Variants in SPAG5 observed in about 807,000 individuals in gnomAD.
The protein encoded by SPAG5 is sperm-associated antigen 5.
A neutral mutation model predicts 145.4 loss-of-function variants in SPAG5; 99 were observed. The ratio of observed to expected loss-of-function variants is 0.68; its 90% CI spans 0.58 to 0.80. SPAG5 has a LOEUF of 0.80. Among genes scored for constraint, SPAG5 ranks in the 30% least tolerant of loss-of-function variants. The pLI is 0.00. For synonymous variants in SPAG5, 477 were observed against 525.4 expected (o/e 0.91, Z 1.26); for missense variants, 1,192 against 1,416.0 (o/e 0.84, Z 2.54).
At chr17:28,585,449 C>G (rs780925495) in intron 8 of SPAG5, 38 bp from the exon 9 acceptor site, 1 of 1,613,918 alleles carries the variant, frequency 6.2e-7, no homozygotes, top group Admixed American at 1.7e-5. Flanking sequence ...AACCCCTTCC[C>G]TTTGGATACA....
chr17:28,580,187 C>T (rs1213585023), intron 15 of SPAG5, 67 bp from the exon 16 acceptor site: 2 of 1,009,546 alleles, frequency 2.0e-6, no homozygotes, highest in Admixed American at 2.5e-5. Context: ...CCAGGTAACT[C>T]CCAGCCATCT....
At chr17:28,593,529 C>A (rs948473505) in intron 2 of SPAG5, among the ~76,000 whole-genome samples, 2 of 152,086 alleles carry the variant, frequency 1.3e-5, no homozygotes, top group African/African-American at 2.4e-5. Context: ...GCAGGTGGAT[C>A]GCTTGAGTTC....
Position 28,598,598 on chromosome 17 carries a change from G to GT in SPAG5, c.88dup (p.Thr30AsnfsTer44), listed in dbSNP as rs1258755695. Reference sequence around the variant, plus strand: ...GTTGGTGAGGGCACCGGGCTGCAGGGTAAGTTCACGGAGAGGAGTTCTCAT... The same window carrying GT: ...GTTGGTGAGGGCACCGGGCTGCAGGGTTAAGTTCACGGAGAGGAGTTCTCAT... On this transcript the variant is annotated frameshift_variant, in exon 2 of 24. Coordinates refer to ENST00000321765, the MANE Select transcript of SPAG5 (RefSeq NM_006461.4). LOFTEE classifies it high-confidence loss of function. 1 of 1,612,218 alleles carries GT rather than the reference G, an allele frequency of 6.2e-7. No homozygotes were observed. The highest frequency in any genetic ancestry group is 1.3e-5 in the African/African-American group (1 of 74,794).
At chr17:28,578,161 C>A in intron 22 of SPAG5, 57 bp downstream of exon 22, 1 of 1,605,908 alleles carries the variant, frequency 6.2e-7, no homozygotes, top group Non-Finnish European at 8.5e-7. Context: ...GGAAACATGG[C>A]GGGGCATTTG....
In SPAG5 at chr17:28,581,180, C is replaced by CT. The variant is rs551795190; in HGVS notation, c.2686-1061dup. On this transcript the variant is annotated intron_variant, in intron 15 of 23. Transcript: ENST00000321765. ...AATGGCTGTATCATCTATGGCTGCT[C>CT]TTGAACTACAAAGGCAGAATTGAGT... 2.6e-5 allele frequency among the ~76,000 whole-genome samples: 4 copies of CT among 152,322 alleles called. No individual in the cohort carries two copies. In the South Asian group the frequency reaches 8.3e-4, roughly 32 times the overall value.
Position 28,585,330 on chromosome 17 carries a change from TG to T in SPAG5, c.1941del (p.Met648CysfsTer12). On this transcript the variant is annotated frameshift_variant, in exon 9 of 24. Coordinates refer to ENST00000321765, the MANE Select transcript of SPAG5 (RefSeq NM_006461.4). LOFTEE classifies it high-confidence loss of function. ...TCCCAAATACTCACATCCAGTTGCATGGACCTCCAGTCTTGTTGCAAGGTAG... is the reference window on the plus strand; with the variant it reads ...TCCCAAATACTCACATCCAGTTGCATGACCTCCAGTCTTGTTGCAAGGTAG... ...LTSTLQQDWR[S>X]MQLDYTTWTA... The T allele has an allele frequency of 1.9e-6, 3 of 1,614,166 alleles. No individual in the cohort carries two copies. The highest frequency in any genetic ancestry group is 1.7e-6 in the Non-Finnish European group (2 of 1,179,960).
chr17:28,584,647 A>C lies in SPAG5; in HGVS notation c.2161+5T>G, dbSNP rs746513229. On this transcript the variant is annotated splice_donor_5th_base_variant and intron_variant, in intron 11 of 23. Transcript: ENST00000321765. ...GCATGCATACACACACACACACACA[A>C]ACACCTGTTGCTAGACGACTGTTTT... 8 of 1,607,276 alleles carry C rather than the reference A, an allele frequency of 5.0e-6. No homozygotes were observed. In the South Asian group the frequency reaches 7.7e-5, roughly 15 times the overall value.
intron 5 of SPAG5, 56 bp downstream of exon 5, chr17:28,586,369 C>T (rs372111377): frequency 6.2e-6 from 9 of 1,448,160 alleles, no homozygotes; most frequent in Non-Finnish European, 8.7e-6. Flanking sequence ...CCAGGATTCT[C>T]CATTCTTCAT....
chr17:28,595,063 G>A (rs919941928), intron 2 of SPAG5, among the ~76,000 whole-genome samples: 14 of 151,826 alleles, frequency 9.2e-5, no homozygotes, highest in African/African-American at 3.4e-4. Flanking sequence ...TTCGAGTGCA[G>A]CTGGGCCAAC....
intron 21 of SPAG5, 32 bp downstream of exon 21, chr17:28,578,341 G>C: frequency 6.2e-7 from 1 of 1,614,066 alleles, no homozygotes; most frequent in Non-Finnish European, 8.5e-7. Flanking sequence ...GTCCCCACCT[G>C]CTGTCCAGCT....
chr17:28,583,397 T>C (rs1334870551), intron 15 of SPAG5, 114 bp downstream of exon 15: 3 of 1,180,110 alleles, frequency 2.5e-6, no homozygotes, highest in African/African-American at 3.1e-5. Flanking sequence ...TGAGGTCCTG[T>C]AGGTAACTGA....
rs1366415610 is a variant in SPAG5 at position 28,587,673 on chromosome 17, G to A, written c.1438-1174C>T. Among the ~76,000 whole-genome samples the A allele has an allele frequency of 1.2e-4, 17 of 145,546 alleles. No homozygotes were observed. The South Asian group carries it at 2.8e-3, about 24-fold the overall frequency. The stretch of plus-strand genomic sequence containing the variant: ...GTAGAGGCTGCAGTGAGCCATGTTC[G>A]TGCCACTGCACTCCAGTGTGGGTAA... On this transcript the variant is annotated intron_variant, in intron 4 of 23. Transcript: ENST00000321765.
intron 8 of SPAG5, 51 bp from the exon 9 acceptor site, chr17:28,585,462 A>C: frequency 1.2e-6 from 2 of 1,613,816 alleles, no homozygotes; most frequent in Non-Finnish European, 8.5e-7. Context: ...TGGATACAGC[A>C]AAGTGGGAGT....
rs1378302804 is a variant in SPAG5 at position 28,580,099 on chromosome 17, G to A, written c.2707C>T (p.Leu903=). The A allele has an allele frequency of 6.2e-7, 1 of 1,613,858 alleles. No individual in the cohort carries two copies. The highest frequency in any genetic ancestry group is 1.7e-5 in the Admixed American group (1 of 59,980). ...TGGGTGGGAGGACAGGCTGTACTCAGCAGAAGGGTCTCTTGTTCAGTCTAA... is the reference window on the plus strand; with the variant it reads ...TGGGTGGGAGGACAGGCTGTACTCAACAGAAGGGTCTCTTGTTCAGTCTAA... ...KEKTEQETLL[L]STACPPTQEH... The change falls in exon 16 of 24, where the codon CTG becomes TTG. Residue 903 remains leucine (L), a synonymous_variant. Coordinates refer to ENST00000321765, the MANE Select transcript of SPAG5 (RefSeq NM_006461.4).
chr17:28,577,610 C>T lies in SPAG5; in HGVS notation c.*89G>A. ...CACTTTATTTAAATAGCATTTATCTCAGTTGGCTCTATGCCAGTTGGTCTT... is the reference window on the plus strand; with the variant it reads ...CACTTTATTTAAATAGCATTTATCTTAGTTGGCTCTATGCCAGTTGGTCTT... On this transcript the variant is annotated 3_prime_UTR_variant, in exon 24 of 24. Transcript: ENST00000321765. 1.2e-6 allele frequency: 1 copy of T among 850,922 alleles called. No homozygotes were observed. The highest frequency in any genetic ancestry group is 2.0e-6 in the Non-Finnish European group (1 of 490,692). The allele number at this position is 850,922 out of a possible 1,614,324, so 52.7% of individuals were successfully genotyped here.
rs1169711873 is a variant in SPAG5 at position 28,577,768 on chromosome 17, G to GGTCT, written c.3511-2_3512dup (p.Leu1172AspfsTer27). The GGTCT allele has an allele frequency of 6.2e-7, 1 of 1,613,140 alleles. No individual in the cohort carries two copies. Among genetic ancestry groups the GGTCT allele is most frequent in the Admixed American group, 1.7e-5 (1 of 59,982 alleles). On this transcript the variant is annotated frameshift_variant and splice_region_variant, in exon 24 of 24. Transcript: ENST00000321765. LOFTEE classifies it high-confidence loss of function. ...TCACCACCTCTGGAATAGAGAGCAG[G>GGTCT]GTCTGGGAAGAGAGGCAGAAAACGC...
chr17:28,585,814 C>A (rs2070581207), intron 7 of SPAG5, 50 bp downstream of exon 7: 1 of 1,613,552 alleles, frequency 6.2e-7, no homozygotes, highest in Admixed American at 1.7e-5. Context: ...CCTGCAGGAA[C>A]CTTGAGGTGG....
intron 2 of SPAG5, among the ~76,000 whole-genome samples, chr17:28,593,337 A>C: frequency 6.6e-6 from 1 of 152,216 alleles, no homozygotes; most frequent in East Asian, 1.9e-4. Context: ...GTAGCTTGAA[A>C]GTGACCCCAC....
At chr17:28,586,278 T>C in intron 5 of SPAG5, 96 bp from the exon 6 acceptor site, 3 of 1,241,890 alleles carry the variant, frequency 2.4e-6, no homozygotes, top group Non-Finnish European at 3.5e-6. Flanking sequence ...AATTCCAAGC[T>C]CCGCATAAGG....
Sources: allele counts gnomAD v4.1 joint callset (sites outside exome capture counted in the v4.1 genomes callset), GRCh38; gene constraint gnomAD v4.1.1; transcripts MANE v1.5; gene names NCBI Gene and HGNC (gene_info 2026-07-23, HGNC 2026-07-21).